The following KCNB2 variants were observed in gnomAD, a reference collection of about 807,000 sequenced individuals.
The protein encoded by KCNB2 is delayed rectifier potassium channel protein.
KCNB2 carries 15 observed loss-of-function variants against 61.5 expected under a neutral mutation model. The observed-to-expected ratio is 0.24, with a 90% CI of 0.16 to 0.38. The LOEUF (loss-of-function observed/expected upper bound fraction) is 0.38, where lower values mean the gene tolerates loss of function less well. Ranked by LOEUF, KCNB2 falls within the 10% of genes least tolerant of loss-of-function variation. The probability of loss-of-function intolerance (pLI) is 1.00; values close to 1 mark genes in which losing one functional copy is unlikely to be tolerated. For synonymous variants in KCNB2, 457 were observed against 446.0 expected, an observed-to-expected ratio of 1.02 and a Z score of -0.31; for missense variants, 828 against 1,125.2, an observed-to-expected ratio of 0.74 and a Z score of 3.78.
chr8:72,625,551 C>T (rs1052976782), intron 2 of KCNB2, among the ~76,000 whole-genome samples: 1 of 152,108 alleles, frequency 6.6e-6, no homozygotes, highest in Non-Finnish European at 1.5e-5. Context: ...CCACCTCAGC[C>T]TCCTAAGTAG....
chr8:72,909,426 C>T (rs1482018), intron 2 of KCNB2, among the ~76,000 whole-genome samples: 98,943 of 151,812 alleles, frequency 0.65, 33,662 homozygotes, highest in African/African-American at 0.75. Context: ...AGGAGAGGAG[C>T]GGCAGGAAGG....
intron 2 of KCNB2, among the ~76,000 whole-genome samples, chr8:72,632,881 A>G (rs139889814): frequency 2.4e-4 from 36 of 152,268 alleles, no homozygotes; most frequent in Non-Finnish European, 4.6e-4. Flanking sequence ...TGCATCTTGA[A>G]ATAATTTAGT....
chr8:72,568,165 A>G lies in KCNB2; in HGVS notation c.431A>G (p.Lys144Arg). The stretch of plus-strand genomic sequence containing the variant: ...TGCTGCCAGGCCAGATATCATCAAA[A>G]AAAAGAACAAATGAACGAAGAACTG... Reference protein sequence around the residue: ...ESCCQARYHQKKEQMNEELRR... With the variant: ...ESCCQARYHQRKEQMNEELRR... Residue 144 changes from lysine to arginine, a missense_variant, in exon 2 of 3, where the codon AAA (lysine) becomes AGA (arginine). Physicochemically the swap from Lys to Arg is conservative, Grantham distance 26. Coordinates refer to ENST00000523207, the MANE Select transcript of KCNB2 (RefSeq NM_004770.3). 1 of 1,614,186 alleles carries G rather than the reference A, an allele frequency of 6.2e-7. No homozygotes were observed. The highest frequency in any genetic ancestry group is 8.5e-7 in the Non-Finnish European group (1 of 1,180,036).
chr8:72,696,098 C>T lies in KCNB2; in HGVS notation c.579+127785C>T, dbSNP rs570733497. 2.6e-4 allele frequency among the ~76,000 whole-genome samples: 40 copies of T among 152,248 alleles called. No homozygotes were observed. In the South Asian group the frequency reaches 3.3e-3, roughly 13 times the overall value. On this transcript the variant is annotated intron_variant, in intron 2 of 2. Coordinates refer to ENST00000523207, the MANE Select transcript of KCNB2 (RefSeq NM_004770.3). ...AGATTGGTGTAACCTTGTCAGGAGA[C>T]GAGATGATAAATCTGATGGTTTTTG...
intron 2 of KCNB2, among the ~76,000 whole-genome samples, chr8:72,612,325 A>C (rs1805554931): frequency 6.6e-6 from 1 of 152,200 alleles, no homozygotes; most frequent in Non-Finnish European, 1.5e-5. Flanking sequence ...GTGACCAAAG[A>C]CTTGTTATAC....
At chr8:72,700,121 C>T (rs1444577158) in intron 2 of KCNB2, among the ~76,000 whole-genome samples, 1 of 152,106 alleles carries the variant, frequency 6.6e-6, no homozygotes, top group Non-Finnish European at 1.5e-5. Flanking sequence ...CACATGTTCT[C>T]ACTCATAAGT....
intron 2 of KCNB2, among the ~76,000 whole-genome samples, chr8:72,805,033 G>A (rs754251275): frequency 1.3e-5 from 2 of 152,150 alleles, no homozygotes; most frequent in Non-Finnish European, 2.9e-5. Flanking sequence ...GGGTCAGATT[G>A]CCAGGTTCAA....
At chr8:72,560,978 T>G (rs1290805219) in intron 1 of KCNB2, among the ~76,000 whole-genome samples, 1 of 152,146 alleles carries the variant, frequency 6.6e-6, no homozygotes, top group Non-Finnish European at 1.5e-5. Flanking sequence ...ATAGTTTATT[T>G]ATAAATTTGG....
chr8:72,566,336 T>C (rs190513680), intron 1 of KCNB2, among the ~76,000 whole-genome samples: 106 of 152,334 alleles, frequency 7.0e-4, no homozygotes, highest in Non-Finnish European at 1.1e-3. Flanking sequence ...AGCATTCTAA[T>C]AGCTATGTGG....
intron 2 of KCNB2, among the ~76,000 whole-genome samples, chr8:72,839,643 C>G (rs1161597262): frequency 1.3e-4 from 15 of 111,740 alleles, no homozygotes; most frequent in Non-Finnish European, 1.7e-4. Context: ...GACGGAGTCT[C>G]GCTCTGTCGC....
chr8:72,617,114 G>A (rs574207723), intron 2 of KCNB2, among the ~76,000 whole-genome samples: 1 of 152,308 alleles, frequency 6.6e-6, no homozygotes, highest in African/African-American at 2.4e-5. Flanking sequence ...TGAGGCCAGG[G>A]TCAGGGGGAA....
At chr8:72,737,518 G>T (rs1447672942) in intron 2 of KCNB2, among the ~76,000 whole-genome samples, 1 of 152,192 alleles carries the variant, frequency 6.6e-6, no homozygotes, top group Non-Finnish European at 1.5e-5. Context: ...AGATCCTTCT[G>T]TGATGTTTTC....
chr8:72,645,420 A>AT (rs926395111), intron 2 of KCNB2, among the ~76,000 whole-genome samples: 6 of 151,900 alleles, frequency 3.9e-5, no homozygotes, highest in South Asian at 2.1e-4. Context: ...CAAGTGCATC[A>AT]TTTTTTTTAA....
chr8:72,805,494 T>C (rs1232587739), intron 2 of KCNB2, among the ~76,000 whole-genome samples: 1 of 152,230 alleles, frequency 6.6e-6, no homozygotes, highest in African/African-American at 2.4e-5. Context: ...AAGAACATTA[T>C]CTTAGACTAT....
At position 72,826,191 on chromosome 8, in the gene KCNB2, C is replaced by T. The variant is rs536604061; in HGVS notation, c.580-109744C>T. 4.6e-5 allele frequency among the ~76,000 whole-genome samples: 7 copies of T among 152,262 alleles called. No homozygotes were observed. The East Asian group carries it at 1.2e-3, about 25-fold the overall frequency. On this transcript the variant is annotated intron_variant, in intron 2 of 2. Transcript: ENST00000523207. ...CTTATACTTACTTTGGTATCCATTA[C>T]GTATCATATCAGTACCTCAGTCATA... is the stretch of plus-strand genomic sequence containing the variant.
intron 2 of KCNB2, among the ~76,000 whole-genome samples, chr8:72,927,272 T>C (rs1181812820): frequency 2.8e-5 from 1 of 35,176 alleles, no homozygotes; most frequent in Non-Finnish European, 6.3e-5. Flanking sequence ...CTTTTCTTTC[T>C]TTTTTTTTTT....
intron 2 of KCNB2, among the ~76,000 whole-genome samples, chr8:72,738,646 A>C (rs1332746990): frequency 6.6e-6 from 1 of 152,144 alleles, no homozygotes. Context: ...AAAGCAAGTC[A>C]TCTCTACTCC....
chr8:72,673,099 A>T (rs55874623), intron 2 of KCNB2, among the ~76,000 whole-genome samples: 4,432 of 152,336 alleles, frequency 0.029, 99 homozygotes, highest in Middle Eastern at 0.082. Flanking sequence ...GTACACCAAT[A>T]TTCATAACAA....
intron 2 of KCNB2, among the ~76,000 whole-genome samples, chr8:72,658,230 G>A (rs1806321872): frequency 6.6e-6 from 1 of 152,076 alleles, no homozygotes; most frequent in African/African-American, 2.4e-5. Flanking sequence ...AATTAAAAGT[G>A]GTACTCCAGA....
Sources: gnomAD v4.1 joint callset for allele counts (sites outside exome capture counted in the v4.1 genomes callset) on GRCh38, gnomAD v4.1.1 for gene constraint, MANE v1.5 for transcripts, NCBI Gene and HGNC (gene_info 2026-07-23, HGNC 2026-07-21) for gene names.